NRG1: variants seen among roughly 807,000 people sequenced by gnomAD.
NRG1 encodes the protein neuregulin 1.
In NRG1, 18 loss-of-function variants were observed where a neutral mutation model predicts 63.8. That is an observed-to-expected ratio of 0.28 (90% confidence interval 0.19 to 0.42). The LOEUF (loss-of-function observed/expected upper bound fraction) is 0.42, where lower values mean the gene tolerates loss of function less well. Among genes scored for constraint, NRG1 ranks in the 10% least tolerant of loss-of-function variants. The pLI, the probability that NRG1 is intolerant of heterozygous loss-of-function variation, is 1.00. For missense variants in NRG1, 762 were observed against 814.7 expected (o/e 0.94, Z 0.79); for synonymous variants, 302 against 301.3 (o/e 1.00, Z -0.02).
intron 1 of NRG1, among the ~76,000 whole-genome samples, chr8:31,892,432 A>C (rs1462060469): frequency 1.3e-5 from 2 of 152,114 alleles, no homozygotes; most frequent in Non-Finnish European, 2.9e-5. Flanking sequence ...GGATAACTTC[A>C]CAATCTCCGC....
chr8:31,654,144 G>A (rs1805182714), intron 1 of NRG1, among the ~76,000 whole-genome samples: 1 of 152,024 alleles, frequency 6.6e-6, no homozygotes, highest in Admixed American at 6.5e-5. Context: ...CTGTCATTAT[G>A]GACTCAGTCA....
chr8:32,232,756 C>G (rs1847092635), intron 1 of NRG1, among the ~76,000 whole-genome samples: 1 of 152,020 alleles, frequency 6.6e-6, no homozygotes, highest in African/African-American at 2.4e-5. Context: ...CTGGTATATC[C>G]CATTTGAAGA....
chr8:32,207,247 T>C (rs187314326), intron 1 of NRG1, among the ~76,000 whole-genome samples: 1 of 152,228 alleles, frequency 6.6e-6, no homozygotes. Context: ...GCAATACTAT[T>C]ATCTTTTTTT....
intron 1 of NRG1, among the ~76,000 whole-genome samples, chr8:31,971,098 G>A (rs1807204318): frequency 1.3e-5 from 2 of 151,904 alleles, no homozygotes; most frequent in Admixed American, 1.3e-4. Context: ...CATTAAAATA[G>A]TAAATATGTT....
chr8:32,172,594 A>G (rs1174081579), intron 1 of NRG1, among the ~76,000 whole-genome samples: 1 of 152,214 alleles, frequency 6.6e-6, no homozygotes, highest in Non-Finnish European at 1.5e-5. Context: ...AAACCTTGAA[A>G]AAAATTAGAT....
chr8:32,220,425 C>A (rs986176777), intron 1 of NRG1, among the ~76,000 whole-genome samples: 1 of 150,822 alleles, frequency 6.6e-6, no homozygotes, highest in African/African-American at 2.4e-5. Context: ...AGGGACGGAG[C>A]GGAGCAGGGG....
At chr8:32,757,720 C>A (rs1829937821) in intron 9 of NRG1, among the ~76,000 whole-genome samples, 1 of 152,200 alleles carries the variant, frequency 6.6e-6, no homozygotes, top group Non-Finnish European at 1.5e-5. Flanking sequence ...TCACATTGTG[C>A]ATCTTTGGGC....
intron 1 of NRG1, among the ~76,000 whole-genome samples, chr8:31,856,207 T>G (rs1827851097): frequency 6.6e-6 from 1 of 152,198 alleles, no homozygotes; most frequent in Admixed American, 6.5e-5. Context: ...CTGCAGAGTA[T>G]TTTCCAACTT....
chr8:31,681,952 A>G (rs548039043), intron 1 of NRG1, among the ~76,000 whole-genome samples: 35 of 152,252 alleles, frequency 2.3e-4, no homozygotes, highest in Admixed American at 1.4e-3. Context: ...ATGCTGCTGC[A>G]TCAGTATTAC....
In NRG1 at chr8:32,759,300, A is replaced by T; in HGVS notation, c.922-6A>T. The T allele has an allele frequency of 6.2e-7, 1 of 1,612,354 alleles. No individual in the cohort carries two copies. The highest frequency in any genetic ancestry group is 1.1e-5 in the South Asian group (1 of 90,662). On this transcript the variant is annotated splice_region_variant and splice_polypyrimidine_tract_variant and intron_variant, in intron 9 of 11. Transcript: ENST00000356819. Reference sequence around the variant, plus strand: ...ATCTTCAAGTTGTGTCTCTTTGTTTATCCAGCAATACGTATCTAAAAACGT... The same window carrying T: ...ATCTTCAAGTTGTGTCTCTTTGTTTTTCCAGCAATACGTATCTAAAAACGT...
chr8:32,536,922 C>CAAAAAAAAAAAAA (rs35265022), intron 1 of NRG1, among the ~76,000 whole-genome samples: 1 of 35,914 alleles, frequency 2.8e-5, no homozygotes, highest in African/African-American at 1.5e-4. Context: ...GACTCCGTCT[C>CAAAAAAAAAAAAA]AAAAAAAAAA....
intron 5 of NRG1, among the ~76,000 whole-genome samples, chr8:32,626,135 C>A (rs1253468644): frequency 6.6e-6 from 1 of 151,998 alleles, no homozygotes; most frequent in Non-Finnish European, 1.5e-5. Context: ...AGATAATAAC[C>A]AGGTCCTACT....
chr8:32,473,569 T>A (rs1824107866), intron 1 of NRG1, among the ~76,000 whole-genome samples: 1 of 152,228 alleles, frequency 6.6e-6, no homozygotes, highest in Non-Finnish European at 1.5e-5. Flanking sequence ...CAAATATACC[T>A]AATTGTATTC....
At position 32,403,702 on chromosome 8, in the gene NRG1, C is replaced by T. The variant is rs905544920; in HGVS notation, c.38-192126C>T. Among the ~76,000 whole-genome samples, 4 of 152,084 alleles carry T rather than the reference C, an allele frequency of 2.6e-5. No individual in the cohort carries two copies. In the East Asian group the frequency reaches 7.7e-4, roughly 29 times the overall value. On this transcript the variant is annotated intron_variant, in intron 1 of 10. Transcript: ENST00000519301. ...CCTCTGTTTTTATGGAAAATTTACA[C>T]TTAAGTGGCAATTATTTTAATCAGA...
intron 7 of NRG1, among the ~76,000 whole-genome samples, chr8:32,746,212 C>T (rs748301888): frequency 5.9e-5 from 9 of 151,852 alleles, no homozygotes; most frequent in African/African-American, 1.9e-4. Context: ...AGTGACACTA[C>T]GGATTGGCAT....
At chr8:32,236,889 C>A (rs1847617228) in intron 1 of NRG1, among the ~76,000 whole-genome samples, 1 of 152,102 alleles carries the variant, frequency 6.6e-6, no homozygotes, top group Admixed American at 6.6e-5. Context: ...AGTAGATGCT[C>A]CAACTGCTGT....
intron 1 of NRG1, among the ~76,000 whole-genome samples, chr8:32,289,637 G>A (rs1398839780): frequency 2.0e-5 from 3 of 152,028 alleles, no homozygotes; most frequent in Non-Finnish European, 4.4e-5. Context: ...TTCAAATGTA[G>A]TTAAACATTT....
At chr8:31,794,952 G>C (rs939768023) in intron 1 of NRG1, among the ~76,000 whole-genome samples, 1 of 152,006 alleles carries the variant, frequency 6.6e-6, no homozygotes, top group Non-Finnish European at 1.5e-5. Context: ...ACAGTCATGC[G>C]ACACCACAGG....
chr8:31,956,833 C>T (rs536276772), intron 1 of NRG1, among the ~76,000 whole-genome samples: 1 of 152,292 alleles, frequency 6.6e-6, no homozygotes, highest in South Asian at 2.1e-4. Context: ...CCAGCAATTT[C>T]ATGGATAAAA....
Sources: allele counts gnomAD v4.1 joint callset (sites outside exome capture counted in the v4.1 genomes callset), GRCh38; gene constraint gnomAD v4.1.1; transcripts MANE v1.5; gene names NCBI Gene and HGNC (gene_info 2026-07-23, HGNC 2026-07-21).